Variants in WNT9B observed in about 807,000 individuals in gnomAD.
WNT9B encodes the protein protein Wnt-9b.
Under a neutral mutation model 30.2 loss-of-function variants are expected in WNT9B, and 12 were observed. The observed-to-expected ratio is 0.40, with a 90% CI of 0.26 to 0.64. The LOEUF (loss-of-function observed/expected upper bound fraction) is 0.64. WNT9B is among the 30% of genes least tolerant of loss of function. WNT9B has a pLI of 0.42. For missense variants in WNT9B, 442 were observed against 485.2 expected (o/e 0.91, Z 0.84); for synonymous variants, 218 against 216.9 (o/e 1.01, Z -0.05).
intron 1 of WNT9B, among the ~76,000 whole-genome samples, chr17:46,867,999 G>C (rs531391373): frequency 6.6e-6 from 1 of 152,246 alleles, no homozygotes; most frequent in East Asian, 1.9e-4. Flanking sequence ...GGAGGAGGCG[G>C]CCGCTGTTCA....
intron 1 of WNT9B, among the ~76,000 whole-genome samples, chr17:46,867,177 T>A (rs543203120): frequency 6.6e-6 from 1 of 152,328 alleles, no homozygotes; most frequent in African/African-American, 2.4e-5. Flanking sequence ...CCAACTTCCT[T>A]CCAGACTGTG....
At chr17:46,864,077 G>C (rs991136553) in intron 1 of WNT9B, among the ~76,000 whole-genome samples, 6 of 152,224 alleles carry the variant, frequency 3.9e-5, no homozygotes, top group Non-Finnish European at 8.8e-5. Flanking sequence ...TTCCCCAGAG[G>C]CCTGGCCCTT....
intron 1 of WNT9B, among the ~76,000 whole-genome samples, chr17:46,839,370 G>A (rs146862847): frequency 2.8e-4 from 43 of 152,288 alleles, no homozygotes; most frequent in African/African-American, 4.3e-4. Flanking sequence ...AGCCCCTGGC[G>A]GGTCCAGGCA....
At chr17:46,842,590 C>T (rs1179828688) in intron 1 of WNT9B, among the ~76,000 whole-genome samples, 1 of 152,130 alleles carries the variant, frequency 6.6e-6, no homozygotes, top group East Asian at 1.9e-4. Flanking sequence ...CAGAGCTGGT[C>T]TCGAACTCCT....
intron 1 of WNT9B, among the ~76,000 whole-genome samples, chr17:46,863,125 A>G (rs2146573428): frequency 6.9e-6 from 1 of 144,396 alleles, no homozygotes. Flanking sequence ...AGGGCGTGGC[A>G]CAGGCAGCCT....
intron 1 of WNT9B, among the ~76,000 whole-genome samples, chr17:46,871,460 C>T (rs566682641): frequency 2.0e-3 from 310 of 152,226 alleles, no homozygotes; most frequent in Non-Finnish European, 3.9e-3. Context: ...CCTCGTAAAT[C>T]CTTTGTTTCC....
chr17:46,863,489 A>G (rs1219540242), intron 1 of WNT9B, among the ~76,000 whole-genome samples: 1 of 152,208 alleles, frequency 6.6e-6, no homozygotes, highest in Non-Finnish European at 1.5e-5. Context: ...TGCGGAACTG[A>G]TGGTACTATA....
In WNT9B at chr17:46,869,407, A is replaced by G. The variant is rs1418625262; in HGVS notation, c.78-3110A>G. On this transcript the variant is annotated intron_variant, in intron 1 of 3. Transcript: ENST00000290015. Reference sequence around the variant, plus strand: ...CCCTCCAGGGTCTCTTCCCCTGGGCATCGCGGACATTGTGGTTGGAGTGGA... The same window carrying G: ...CCCTCCAGGGTCTCTTCCCCTGGGCGTCGCGGACATTGTGGTTGGAGTGGA... Among the ~76,000 whole-genome samples, 3 of 152,236 alleles carry G rather than the reference A, an allele frequency of 2.0e-5. No individual in the cohort carries two copies. The South Asian group carries it at 6.2e-4, about 32-fold the overall frequency.
intron 1 of WNT9B, among the ~76,000 whole-genome samples, chr17:46,841,627 G>A (rs1258437647): frequency 1.3e-5 from 2 of 152,056 alleles, no homozygotes; most frequent in Non-Finnish European, 2.9e-5. Flanking sequence ...AATGCCAGAG[G>A]ATTCCTTGAG....
intron 1 of WNT9B, among the ~76,000 whole-genome samples, chr17:46,853,411 A>C (rs2084888848): frequency 8.6e-6 from 1 of 116,434 alleles, no homozygotes; most frequent in Non-Finnish European, 1.6e-5. Flanking sequence ...TCCCTCTGTC[A>C]CCCAGGCTGG....
upstream of WNT9B, among the ~76,000 whole-genome samples, chr17:46,851,253 C>A (rs2084838471): frequency 6.6e-6 from 1 of 152,110 alleles, no homozygotes; most frequent in Non-Finnish European, 1.5e-5. This position sits in a 1 kb window ranked among gnomAD's most constrained non-coding sequence, Gnocchi z 4.3. Flanking sequence ...CCGCCCCATC[C>A]CGGAGAGGCA....
At chr17:46,857,640 T>C (rs1282448952) in intron 1 of WNT9B, among the ~76,000 whole-genome samples, 1 of 152,236 alleles carries the variant, frequency 6.6e-6, no homozygotes, top group Non-Finnish European at 1.5e-5. Context: ...GGTTGATATA[T>C]GCATAACTTA....
chr17:46,874,245 C>T (rs1483897506), intron 2 of WNT9B, among the ~76,000 whole-genome samples: 1 of 152,122 alleles, frequency 6.6e-6, no homozygotes, highest in Non-Finnish European at 1.5e-5. Context: ...GCAAGTCAGC[C>T]AGGAGACTCA....
At chr17:46,870,070 C>A (rs74428494) in intron 1 of WNT9B, among the ~76,000 whole-genome samples, 2,197 of 152,160 alleles carry the variant, frequency 0.014, 60 homozygotes, top group African/African-American at 0.05. Context: ...ATAATCATAG[C>A]TATTATTCTT....
chr17:46,849,975 G>A (rs947008352), upstream of WNT9B, among the ~76,000 whole-genome samples: 1 of 151,992 alleles, frequency 6.6e-6, no homozygotes, highest in South Asian at 2.1e-4. Context: ...AGCCTCCTGA[G>A]TAGCTGGGAT....
chr17:46,874,227 A>G (rs1177520471), intron 2 of WNT9B, among the ~76,000 whole-genome samples: 1 of 152,186 alleles, frequency 6.6e-6, no homozygotes, highest in East Asian at 1.9e-4. Context: ...TGGGATGGTC[A>G]GTCTGAGGCA....
At position 46,875,155 on chromosome 17, in the gene WNT9B, C is replaced by A. The variant is rs371468509; in HGVS notation, c.389C>A (p.Thr130Asn). Reference sequence around the variant, plus strand: ...GTGTCCTCTGCCGCCCTCACCCACACCCTGGCCCGGGCCTGCAGCGCTGGG... The same window carrying A: ...GTGTCCTCTGCCGCCCTCACCCACAACCTGGCCCGGGCCTGCAGCGCTGGG... The part of the protein sequence containing the change: ...YAVSSAALTH[T>N]LARACSAGRM... Residue 130 changes from threonine (T) to asparagine (N), a missense_variant, in exon 3 of 4, where the codon ACC becomes AAC. Thr to Asn is a moderately conservative substitution (Grantham distance 65, BLOSUM62 0). Transcript: ENST00000290015. The A allele has an allele frequency of 4.8e-5, 77 of 1,613,938 alleles. No individual in the cohort carries two copies. The highest frequency in any genetic ancestry group is 1.2e-4 in the Admixed American group (7 of 60,018).
chr17:46,878,371 C>T lies in WNT9B; in HGVS notation c.*1653C>T, dbSNP rs2085377797. ...CCGCTGACTGTGCCCTGGCCAACTC[C>T]CTGAGACCTCCAAGGGCGAGGAGGA... On this transcript the variant is annotated 3_prime_UTR_variant, in exon 4 of 4. Coordinates refer to ENST00000290015, the MANE Select transcript of WNT9B (RefSeq NM_003396.3). Among the ~76,000 whole-genome samples, 1 of 152,240 alleles carries T rather than the reference C, an allele frequency of 6.6e-6. No homozygotes were observed. Among genetic ancestry groups the T allele is most frequent in the East Asian group, 1.9e-4 (1 of 5,202 alleles).
chr17:46,868,118 G>A (rs1233634292), intron 1 of WNT9B, among the ~76,000 whole-genome samples: 1 of 152,196 alleles, frequency 6.6e-6, no homozygotes, highest in Non-Finnish European at 1.5e-5. Context: ...GGTGCAGCCT[G>A]ATAGAGTGGT....
Sources: allele counts gnomAD v4.1 joint callset (sites outside exome capture counted in the v4.1 genomes callset), GRCh38; gene constraint gnomAD v4.1.1; non-coding constraint Gnocchi (gnomAD v3.1); transcripts MANE v1.5; gene names NCBI Gene and HGNC (gene_info 2026-07-23, HGNC 2026-07-21).